Variants in ADAR observed in about 807,000 individuals in gnomAD.
The protein encoded by ADAR is double-stranded RNA-specific adenosine deaminase.
ADAR carries 41 observed loss-of-function variants against 113.2 expected under a neutral mutation model. The observed-to-expected ratio is 0.36, with a 90% CI of 0.28 to 0.47. The LOEUF is 0.47. ADAR is among the 20% of genes least tolerant of loss of function. The probability of loss-of-function intolerance (pLI) is 1.00; values close to 1 mark genes in which losing one functional copy is unlikely to be tolerated. For missense variants in ADAR, 1,242 were observed against 1,540.9 expected, an observed-to-expected ratio of 0.81 and a Z score of 3.25; for synonymous variants, 605 against 572.6, an observed-to-expected ratio of 1.06 and a Z score of -0.81.
intron 12 of ADAR, 126 bp from the exon 13 acceptor site, chr1:154,585,991 A>T: frequency 8.5e-7 from 1 of 1,176,760 alleles, no homozygotes; most frequent in Non-Finnish European, 1.2e-6. Flanking sequence ...CTGCCTTGTT[A>T]GGAAGCACCT....
chr1:154,597,860 G>C lies in ADAR; in HGVS notation c.1902C>G (p.Leu634=). 4 of 1,614,192 alleles carry C rather than the reference G, an allele frequency of 2.5e-6. No individual in the cohort carries two copies. The highest frequency in any genetic ancestry group is 3.4e-6 in the Non-Finnish European group (4 of 1,180,042). Residue 634 remains leucine (L), a synonymous_variant, in exon 4 of 15, where the codon CTC becomes CTG. Coordinates refer to ENST00000368474, the MANE Select transcript of ADAR (RefSeq NM_001111.5). The part of the protein sequence containing the change: ...HKLGNSCEFR[L]LSKEGPAHEP... Reference sequence around the variant, plus strand: ...CATGGGCAGGGCCTTCTTTGGACAGGAGACGGAATTCGCAGGAGTTCCCCA... The same window carrying C: ...CATGGGCAGGGCCTTCTTTGGACAGCAGACGGAATTCGCAGGAGTTCCCCA...
rs1571042720 is a variant in ADAR, at chr1:154,584,472, G to C, written c.*334C>G. 3.3e-6 allele frequency: 1 copy of C among 304,860 alleles called. No individual in the cohort carries two copies. Among genetic ancestry groups the C allele is most frequent in the East Asian group, 7.4e-5 (1 of 13,582 alleles). The allele number at this position is 304,860 out of a possible 1,614,324, so 18.9% of individuals were successfully genotyped here. A position where few individuals can be genotyped will look rare whatever the true frequency, so the allele number is the denominator to read the frequency against. On this transcript the variant is annotated 3_prime_UTR_variant, in exon 15 of 15. Coordinates refer to ENST00000368474, the MANE Select transcript of ADAR (RefSeq NM_001111.5). ...TCAGTGTAGCAAACACAAAGGGAAA[G>C]GAAATGGAAACAAATCAAAACAAAA...
chr1:154,585,765 G>A lies in ADAR; in HGVS notation c.3303C>T (p.Val1101=). The part of the protein sequence containing the change: ...FEDGLRHPFI[V]NHPKVGRVSI... ...GGGGTTATAGCACCTTGGGGTGGTT[G>A]ACAATAAAGGGATGTCGTAGTCCAT... Residue 1101 remains valine, a synonymous_variant, in exon 13 of 15, where the codon GTC becomes GTT. Transcript: ENST00000368474. The A allele has an allele frequency of 1.9e-5, 31 of 1,613,642 alleles. No individual in the cohort carries two copies. Among genetic ancestry groups the A allele is most frequent in the Non-Finnish European group, 2.6e-5 (31 of 1,179,584 alleles).
intron 4 of ADAR, 135 bp from the exon 5 acceptor site, chr1:154,597,402 G>A (rs374728326): frequency 1.8e-6 from 2 of 1,110,938 alleles, no homozygotes; most frequent in Non-Finnish European, 1.3e-6. Flanking sequence ...CACATCTCAT[G>A]CAGTCACTTC....
chr1:154,617,240 C>G, intron 1 of ADAR, among the ~76,000 whole-genome samples: 1 of 152,182 alleles, frequency 6.6e-6, no homozygotes, highest in Non-Finnish European at 1.5e-5. Context: ...GTTTTAAAAA[C>G]CTACCTCATC....
chr1:154,584,521 G>C lies in ADAR; in HGVS notation c.*285C>G, dbSNP rs1344078666. On this transcript the variant is annotated 3_prime_UTR_variant, in exon 15 of 15. Transcript: ENST00000368474. ...AACTTTTAAGAGGAAATGGACCGCA[G>C]GTGCTCAGTGACTATGTATGCTTTG... The C allele has an allele frequency of 2.4e-6, 1 of 415,558 alleles. No homozygotes were observed. Among genetic ancestry groups the C allele is most frequent in the Non-Finnish European group, 4.3e-6 (1 of 231,670 alleles). The allele number at this position is 415,558 out of a possible 1,614,324, so 25.7% of individuals were successfully genotyped here.
rs201315688 is a variant in ADAR at position 154,589,362 on chromosome 1, C to T, written c.2762+7G>A. The stretch of plus-strand genomic sequence containing the variant: ...GGCAGCCGGGCCACAGCTCTGACCT[C>T]GCTCACCTGATGAAGCCTCTCCGGG... On this transcript the variant is annotated splice_region_variant and intron_variant, in intron 9 of 14. Transcript: ENST00000368474. 35 of 1,613,186 alleles carry T rather than the reference C, an allele frequency of 2.2e-5. No homozygotes were observed. The highest frequency in any genetic ancestry group is 4.4e-5 in the South Asian group (4 of 91,054).
intron 13 of ADAR, 146 bp downstream of exon 13, chr1:154,585,607 G>T: frequency 1.1e-6 from 1 of 882,658 alleles, no homozygotes; most frequent in Non-Finnish European, 1.8e-6. Context: ...ACCAATGTTG[G>T]TGGTGGGCCA....
chr1:154,589,946 T>C lies in ADAR; in HGVS notation c.2497-18A>G. 1 of 1,613,650 alleles carries C rather than the reference T, an allele frequency of 6.2e-7. No individual in the cohort carries two copies. Among genetic ancestry groups the C allele is most frequent in the African/African-American group, 1.3e-5 (1 of 75,020 alleles). On this transcript the variant is annotated intron_variant, in intron 7 of 14. Transcript: ENST00000368474. ...AGAGGGAGCTGTGGGGAAAAGAGGC[T>C]GTGTCAGCACCACAAAGCTGAGGCT...
rs558910648 is a variant in ADAR, at chr1:154,615,825, A to AT, written c.-871+12029dup. ...TTCTAGGAAGATACCATTAATTTAT[A>AT]TTTTTAAAATGATGAAAATAAATCA... On this transcript the variant is annotated intron_variant, in intron 1 of 14. Coordinates refer to the ADAR transcript ENST00000368471. Among the ~76,000 whole-genome samples, 501 of 152,316 alleles carry AT rather than the reference A, an allele frequency of 3.3e-3. 1 individual carries two copies. Among genetic ancestry groups the AT allele is most frequent in the African/African-American group, 0.011 (464 of 41,566 alleles).
At position 154,583,442 on chromosome 1, in the gene ADAR, G is replaced by C. The variant is rs982818795; in HGVS notation, c.*1364C>G. 2.6e-5 allele frequency: 4 copies of C among 152,170 alleles called. No individual in the cohort carries two copies. The highest frequency in any genetic ancestry group is 7.2e-5 in the African/African-American group (3 of 41,426). 9.4% of individuals were successfully genotyped at this position (152,170 alleles called of 1,614,324 possible). ...GCCAGAGAGCCAGACTCCACAGAGA[G>C]GCCAAAGGCTCTGAACACACGAGTC... On this transcript the variant is annotated 3_prime_UTR_variant, in exon 15 of 15. Coordinates refer to ENST00000368474, the MANE Select transcript of ADAR (RefSeq NM_001111.5).
chr1:154,585,679 A>C (rs1398890653), intron 13 of ADAR, 74 bp downstream of exon 13: 1 of 1,299,216 alleles, frequency 7.7e-7, no homozygotes, highest in Admixed American at 1.8e-5. Flanking sequence ...CCCACAGTGT[A>C]CATTTTTCCT....
At chr1:154,625,587 G>A (rs1051315915) in intron 1 of ADAR, among the ~76,000 whole-genome samples, 2 of 152,228 alleles carry the variant, frequency 1.3e-5, no homozygotes, top group Non-Finnish European at 2.9e-5. Context: ...GGCCTGGCGC[G>A]GTGGCTCATG....
Position 154,584,694 on chromosome 1 carries a change from A to AG in ADAR, c.*111dup, listed in dbSNP as rs1470187312. Reference sequence around the variant, plus strand: ...CAGTATCACCAATTATGGCTTAAAAAGAAAAAAAAAGGAGAAAAAAAAATC... The same window carrying AG: ...CAGTATCACCAATTATGGCTTAAAAAGGAAAAAAAAAGGAGAAAAAAAAATC... On this transcript the variant is annotated 3_prime_UTR_variant, in exon 15 of 15. Coordinates refer to ENST00000368474, the MANE Select transcript of ADAR (RefSeq NM_001111.5). 4.0e-6 allele frequency: 4 copies of AG among 997,620 alleles called. No individual in the cohort carries two copies. The highest frequency in any genetic ancestry group is 6.1e-6 in the Non-Finnish European group (4 of 653,122). The allele number at this position is 997,620 out of a possible 1,614,324, so 61.8% of individuals were successfully genotyped here. A position where few individuals can be genotyped will look rare whatever the true frequency, so the allele number is the denominator to read the frequency against.
upstream of ADAR, among the ~76,000 whole-genome samples, chr1:154,611,218 C>T (rs1698476210): frequency 6.6e-6 from 1 of 152,180 alleles, no homozygotes; most frequent in Non-Finnish European, 1.5e-5. Context: ...GCTTTAATCA[C>T]AACTACTGTG....
In ADAR at chr1:154,597,282, A is replaced by C. The variant is rs1470760540; in HGVS notation, c.1935-15T>G. ...AGTATTGGAACCTGACAGGAGATGA[A>C]GCACGTAGAAGGATTAAAATGGTTT... On this transcript the variant is annotated splice_polypyrimidine_tract_variant and intron_variant, in intron 4 of 14. Transcript: ENST00000368474. The C allele has an allele frequency of 6.2e-7, 1 of 1,614,116 alleles. No individual in the cohort carries two copies.
chr1:154,613,709 C>T (rs945022282), intron 1 of ADAR, among the ~76,000 whole-genome samples: 4 of 151,840 alleles, frequency 2.6e-5, no homozygotes, highest in African/African-American at 7.3e-5. Flanking sequence ...GTTCGAGACC[C>T]GCCTGACTAA....
rs764879657 is a variant in ADAR, at chr1:154,597,911, G to T, written c.1851C>A (p.Thr617=). 136 of 1,614,056 alleles carry T rather than the reference G, an allele frequency of 8.4e-5. No homozygotes were observed. In the Admixed American group the frequency reaches 2.2e-3, roughly 26 times the overall value. ...TSFFSGKSPV[T]TLLECMHKLG... ...ATTTGTGCATACACTCAAGCAGTGT[G>T]GTGACGGGGCTCTTCCCAGAAAAGA... The change falls in exon 4 of 15, where the codon ACC becomes ACA. Residue 617 remains threonine (T), a synonymous_variant. Transcript: ENST00000368474.
At chr1:154,589,490 A>ATT (rs1306686058) in intron 8 of ADAR, 28 bp from the exon 9 acceptor site, 1 of 1,579,820 alleles carries the variant, frequency 6.3e-7, no homozygotes, top group East Asian at 2.2e-5. Context: ...ACAGAAATAG[A>ATT]ATAATGGAAG....
Sources: gnomAD v4.1 joint callset for allele counts (sites outside exome capture counted in the v4.1 genomes callset) on GRCh38, gnomAD v4.1.1 for gene constraint, MANE v1.5 for transcripts, NCBI Gene and HGNC (gene_info 2026-07-23, HGNC 2026-07-21) for gene names.